RRP12: variants seen among roughly 807,000 people sequenced by gnomAD.
RRP12 encodes the protein ribosomal RNA processing 12 homolog.
A neutral mutation model predicts 157.3 loss-of-function variants in RRP12; 78 were observed. That is an observed-to-expected ratio of 0.50 (90% CI 0.41 to 0.60). The LOEUF (loss-of-function observed/expected upper bound fraction) is 0.60. RRP12 is among the 20% of genes least tolerant of loss of function. The pLI is 0.00. For missense variants in RRP12, 1,521 were observed against 1,679.9 expected (o/e 0.91, Z 1.65); for synonymous variants, 726 against 670.9 (o/e 1.08, Z -1.27).
At position 97,363,911 on chromosome 10, in the gene RRP12, CA is replaced by C. The variant is rs1843906821; in HGVS notation, c.3518-9del. On this transcript the variant is annotated splice_polypyrimidine_tract_variant and intron_variant, in intron 29 of 33. Coordinates refer to ENST00000370992, the MANE Select transcript of RRP12 (RefSeq NM_015179.4). ...CCATCTCTTCATCTTCGCCTGGAGC[CA>C]AAAAAGAGAGGCCCATGAGCGCTGT... 6.2e-7 allele frequency: 1 copy of C among 1,613,494 alleles called. No homozygotes were observed. Among genetic ancestry groups the C allele is most frequent in the Non-Finnish European group, 8.5e-7 (1 of 1,179,606 alleles).
intron 2 of RRP12, among the ~76,000 whole-genome samples, chr10:97,397,747 C>T (rs1164774655): frequency 6.6e-6 from 1 of 150,844 alleles, no homozygotes; most frequent in Non-Finnish European, 1.5e-5. Context: ...ATCCCTTGAG[C>T]CCAGGAGTTC....
rs183025576 is a variant in RRP12, at chr10:97,358,822, C to T, written c.3708+121G>A. 311 of 872,910 alleles carry T rather than the reference C, an allele frequency of 3.6e-4. 4 individuals carry two copies. The East Asian group carries it at 3.9e-3, about 11-fold the overall frequency. The allele number at this position is 872,910 out of a possible 1,614,324, so 54.1% of individuals were successfully genotyped here. A position where few individuals can be genotyped will look rare whatever the true frequency, so the allele number is the denominator to read the frequency against. On this transcript the variant is annotated intron_variant, in intron 32 of 33. Coordinates refer to ENST00000370992, the MANE Select transcript of RRP12 (RefSeq NM_015179.4). ...TAGCATCTGAACCCCTTCTTCTTTC[C>T]TGGCCTCAGTTGAGTTCCAGGAAGG...
intron 25 of RRP12, among the ~76,000 whole-genome samples, chr10:97,367,632 T>C (rs956121745): frequency 1.4e-4 from 22 of 152,208 alleles, no homozygotes; most frequent in Admixed American, 9.8e-4. Flanking sequence ...TCTGGCTGGA[T>C]TCCTCTTAAG....
intron 29 of RRP12, among the ~76,000 whole-genome samples, chr10:97,365,163 T>G (rs2133036055): frequency 6.6e-6 from 1 of 151,712 alleles, no homozygotes; most frequent in African/African-American, 2.4e-5. Context: ...GTTGGGTGCA[T>G]GTGGAGCAGT....
intron 2 of RRP12, among the ~76,000 whole-genome samples, chr10:97,397,046 T>G (rs1427419505): frequency 6.6e-6 from 1 of 152,134 alleles, no homozygotes; most frequent in Non-Finnish European, 1.5e-5. Flanking sequence ...ATTACAGGCA[T>G]AAGCCACCAT....
At chr10:97,398,039 A>ATATTTTTTTTTTTTTT (rs1436494245) in intron 2 of RRP12, among the ~76,000 whole-genome samples, 1 of 56,028 alleles carries the variant, frequency 1.8e-5, no homozygotes, top group Non-Finnish European at 3.2e-5. Flanking sequence ...ATATATACGT[A>ATATTTTTTTTTTTTTT]TTTTTTTTTT....
intron 3 of RRP12, 23 bp downstream of exon 3, chr10:97,396,195 A>C (rs1589442564): frequency 6.4e-7 from 1 of 1,558,780 alleles, no homozygotes; most frequent in African/African-American, 1.4e-5. Context: ...CTGAACACCC[A>C]CCCTCCAGTG....
intron 2 of RRP12, among the ~76,000 whole-genome samples, chr10:97,398,474 T>C (rs1396581646): frequency 4.7e-5 from 7 of 149,660 alleles, no homozygotes; most frequent in African/African-American, 1.7e-4. Context: ...GTGCCTCAGC[T>C]TCCCAAGTAG....
chr10:97,400,260 G>T, intron 2 of RRP12, 45 bp downstream of exon 2: 2 of 1,412,900 alleles, frequency 1.4e-6, no homozygotes, highest in Non-Finnish European at 2.0e-6. Flanking sequence ...GGCATGAGTT[G>T]GCCTCTCCTC....
At position 97,390,458 on chromosome 10, in the gene RRP12, C is replaced by T; in HGVS notation, c.718G>A (p.Gly240Arg). 6.2e-7 allele frequency: 1 copy of T among 1,614,110 alleles called. No homozygotes were observed. The highest frequency in any genetic ancestry group is 8.5e-7 in the Non-Finnish European group (1 of 1,180,000). Residue 240 changes from glycine (G) to arginine (R), a missense_variant, in exon 6 of 34, where the codon GGG becomes AGG. Gly to Arg is a moderately radical substitution (Grantham distance 125). Coordinates refer to ENST00000370992, the MANE Select transcript of RRP12 (RefSeq NM_015179.4). ...GYPVTLQVYH[G>R]LLSFTVHPKP... ...GGATGCACCGTGAAGCTCAGCAGCC[C>T]ATGGTACACCTGAAGGGTCACGGGG...
At chr10:97,366,706 G>A (rs1244455669) in intron 27 of RRP12, 36 bp downstream of exon 27, 2 of 1,603,486 alleles carry the variant, frequency 1.2e-6, no homozygotes, top group East Asian at 2.2e-5. Flanking sequence ...TTGGGTTGGG[G>A]GGACACCGGG....
At chr10:97,372,665 T>C in intron 19 of RRP12, 71 bp downstream of exon 19, 5 of 1,213,922 alleles carry the variant, frequency 4.1e-6, no homozygotes, top group Non-Finnish European at 4.8e-6. Context: ...GAACCCACAG[T>C]GCTTCTGCCA....
chr10:97,362,037 G>C (rs180907021), intron 30 of RRP12, among the ~76,000 whole-genome samples: 5 of 151,790 alleles, frequency 3.3e-5, no homozygotes, highest in Admixed American at 1.3e-4. Flanking sequence ...AACCTGGGAG[G>C]GGGAGGTTGC....
chr10:97,382,342 A>G (rs1217662539), intron 10 of RRP12, among the ~76,000 whole-genome samples: 1 of 152,052 alleles, frequency 6.6e-6, no homozygotes, highest in Non-Finnish European at 1.5e-5. Flanking sequence ...ACAGGATCTC[A>G]CTGTGTTTCC....
Position 97,365,884 on chromosome 10 carries a change from C to T in RRP12, c.3517+224G>A, listed in dbSNP as rs186476815. On this transcript the variant is annotated intron_variant, in intron 29 of 33. Transcript: ENST00000370992. ...ACACAGTAAGGGGAAGTACCATTTC[C>T]GATAGTTTCCTTTAAGTTAAATATG... 1,368 of 578,208 alleles carry T rather than the reference C, an allele frequency of 2.4e-3. 4 individuals are homozygous for T. Among genetic ancestry groups the T allele is most frequent in the Middle Eastern group, 3.2e-3 (7 of 2,162 alleles). The allele number at this position is 578,208 out of a possible 1,614,324, so 35.8% of individuals were successfully genotyped here.
chr10:97,379,885 G>A, intron 13 of RRP12, 115 bp from the exon 14 acceptor site: 1 of 1,030,698 alleles, frequency 9.7e-7, no homozygotes, highest in Non-Finnish European at 1.4e-6. Context: ...CGCTACACCA[G>A]AGGGTACAGA....
chr10:97,364,192 C>A lies in RRP12; in HGVS notation c.3518-289G>T, dbSNP rs74754955. Among the ~76,000 whole-genome samples the A allele has an allele frequency of 6.6e-5, 10 of 152,224 alleles. No individual in the cohort carries two copies. In the East Asian group the frequency reaches 1.5e-3, roughly 24 times the overall value. On this transcript the variant is annotated intron_variant, in intron 29 of 33. Transcript: ENST00000370992. ...TTGAAACTTTTCTTTTCCCACTCACCCACCCTTCATCTGTTTGAGATTTGA... is the reference window on the plus strand; with the variant it reads ...TTGAAACTTTTCTTTTCCCACTCACACACCCTTCATCTGTTTGAGATTTGA...
chr10:97,369,975 C>G (rs1003477943), intron 24 of RRP12, among the ~76,000 whole-genome samples, 192 bp downstream of exon 24: 4 of 152,144 alleles, frequency 2.6e-5, no homozygotes, highest in Non-Finnish European at 4.4e-5. Context: ...GAGGAAGGTG[C>G]CTTGGCATAG....
chr10:97,396,211 C>T lies in RRP12; in HGVS notation c.453+7G>A, dbSNP rs1161195708. The T allele has an allele frequency of 6.2e-7, 1 of 1,602,632 alleles. No homozygotes were observed. The highest frequency in any genetic ancestry group is 8.5e-7 in the Non-Finnish European group (1 of 1,169,784). On this transcript the variant is annotated splice_region_variant and intron_variant, in intron 3 of 33. Coordinates refer to ENST00000370992, the MANE Select transcript of RRP12 (RefSeq NM_015179.4). The stretch of plus-strand genomic sequence containing the variant: ...TGAACACCCACCCTCCAGTGGCACC[C>T]ACTCACCAGAGCAGCGAAGTACTCA...
Sources: allele counts gnomAD v4.1 joint callset (sites outside exome capture counted in the v4.1 genomes callset), GRCh38; gene constraint gnomAD v4.1.1; transcripts MANE v1.5; gene names NCBI Gene and HGNC (gene_info 2026-07-23, HGNC 2026-07-21).